AP3B1: variants seen among roughly 807,000 people sequenced by gnomAD.
The protein encoded by AP3B1 is AP-3 complex subunit beta-1.
Under a neutral mutation model 132.5 loss-of-function variants are expected in AP3B1, and 61 were observed. The ratio of observed to expected loss-of-function variants is 0.46; its 90% CI spans 0.37 to 0.57. The LOEUF (loss-of-function observed/expected upper bound fraction) is 0.57. AP3B1 is among the 20% of genes least tolerant of loss of function. AP3B1 has a pLI of 0.00. For synonymous variants in AP3B1, 388 were observed against 438.3 expected (o/e 0.89, Z 1.43); for missense variants, 1,120 against 1,289.4 (o/e 0.87, Z 2.01).
chr5:78,035,698 G>T (rs1747783103), intron 23 of AP3B1, among the ~76,000 whole-genome samples: 1 of 152,010 alleles, frequency 6.6e-6, no homozygotes, highest in Non-Finnish European at 1.5e-5. Context: ...AATGCTATTT[G>T]CTCAGTGGTA....
intron 2 of AP3B1, among the ~76,000 whole-genome samples, chr5:78,244,116 A>C (rs533848492): frequency 1.5e-4 from 23 of 152,312 alleles, no homozygotes; most frequent in Non-Finnish European, 2.5e-4. Flanking sequence ...AGGGACATGA[A>C]TTAAGAAGAA....
chr5:78,126,099 A>G (rs76160579), intron 17 of AP3B1, among the ~76,000 whole-genome samples: 1 of 151,482 alleles, frequency 6.6e-6, no homozygotes, highest in South Asian at 2.1e-4. Flanking sequence ...AAAAAAAAAA[A>G]CGAACCATAA....
chr5:78,276,259 G>T (rs1748771152), intron 1 of AP3B1, among the ~76,000 whole-genome samples: 1 of 151,850 alleles, frequency 6.6e-6, no homozygotes, highest in African/African-American at 2.4e-5. Context: ...GTAGAGATAG[G>T]GTCTCCCTAT....
At chr5:78,098,911 GACAAGAATA>G (rs772200974) in intron 21 of AP3B1, among the ~76,000 whole-genome samples, 15 of 147,050 alleles carry the variant, frequency 1.0e-4, no homozygotes, top group Non-Finnish European at 1.5e-4. Context: ...AGACAAGAAT[GACAAGAATA>G]ACAAGAATAA....
At chr5:78,098,502 T>C (rs1433158587) in intron 21 of AP3B1, among the ~76,000 whole-genome samples, 1 of 152,206 alleles carries the variant, frequency 6.6e-6, no homozygotes, top group East Asian at 1.9e-4. Flanking sequence ...CTTTTAAATG[T>C]ACTTTACTGT....
chr5:78,130,157 C>T (rs893261347), intron 15 of AP3B1, among the ~76,000 whole-genome samples: 9 of 151,892 alleles, frequency 5.9e-5, no homozygotes, highest in Non-Finnish European at 1.3e-4. Context: ...TTTTAAACTA[C>T]AGTTATTTTA....
intron 1 of AP3B1, among the ~76,000 whole-genome samples, chr5:78,283,742 T>A (rs1000882753): frequency 2.0e-5 from 3 of 152,214 alleles, no homozygotes; most frequent in Non-Finnish European, 4.4e-5. Flanking sequence ...ACTTACTCTA[T>A]CCATCTGTGT....
chr5:78,190,425 G>C (rs770377952), intron 7 of AP3B1, among the ~76,000 whole-genome samples: 16 of 152,138 alleles, frequency 1.1e-4, no homozygotes, highest in Non-Finnish European at 1.8e-4. Flanking sequence ...ATGAAATGAA[G>C]GAGATGAGGC....
chr5:78,082,992 T>A (rs1180255947), intron 22 of AP3B1, among the ~76,000 whole-genome samples: 1 of 152,078 alleles, frequency 6.6e-6, no homozygotes, highest in East Asian at 1.9e-4. Flanking sequence ...ATTTTTTATA[T>A]TTTTAGTAGA....
intron 1 of AP3B1, among the ~76,000 whole-genome samples, chr5:78,285,595 T>C (rs1580595095): frequency 6.6e-6 from 1 of 152,146 alleles, no homozygotes; most frequent in South Asian, 2.1e-4. Flanking sequence ...ACTGCCTATT[T>C]AGTATCTCCA....
chr5:78,057,511 C>G (rs1186111134), intron 22 of AP3B1, among the ~76,000 whole-genome samples: 6 of 152,112 alleles, frequency 3.9e-5, no homozygotes, highest in Admixed American at 3.9e-4. Context: ...AGTGTCCCTT[C>G]ATTTTAAGAA....
intron 22 of AP3B1, among the ~76,000 whole-genome samples, chr5:78,075,407 T>A (rs1580314797): frequency 6.6e-6 from 1 of 152,284 alleles, no homozygotes; most frequent in Middle Eastern, 3.4e-3. Context: ...ACCAACAGAG[T>A]GACTTCCATA....
intron 22 of AP3B1, among the ~76,000 whole-genome samples, chr5:78,046,395 C>A (rs759166407): frequency 1.3e-5 from 2 of 152,188 alleles, no homozygotes; most frequent in African/African-American, 2.4e-5. Context: ...GGAACAGTTT[C>A]ATCCCAGAAC....
chr5:78,192,485 T>C (rs1744882957), intron 7 of AP3B1, among the ~76,000 whole-genome samples: 1 of 151,784 alleles, frequency 6.6e-6, no homozygotes, highest in South Asian at 2.1e-4. Flanking sequence ...CTACTAAAAA[T>C]ACAAAAATTA....
intron 2 of AP3B1, among the ~76,000 whole-genome samples, chr5:78,244,937 G>A (rs190621996): frequency 6.6e-6 from 1 of 152,202 alleles, no homozygotes; most frequent in East Asian, 1.9e-4. Context: ...GAAGGTTATA[G>A]TGAGCCAAGA....
chr5:78,224,002 T>G (rs998991692), intron 6 of AP3B1, among the ~76,000 whole-genome samples: 1 of 152,180 alleles, frequency 6.6e-6, no homozygotes, highest in African/African-American at 2.4e-5. Flanking sequence ...GATCTGCTTC[T>G]TGTAGATCTT....
At chr5:78,080,105 C>T (rs1053029360) in intron 22 of AP3B1, among the ~76,000 whole-genome samples, 2 of 152,132 alleles carry the variant, frequency 1.3e-5, no homozygotes, top group Admixed American at 1.3e-4. Context: ...GCCTCCTAGG[C>T]TCAAGTGATC....
intron 9 of AP3B1, among the ~76,000 whole-genome samples, chr5:78,176,903 T>C (rs1465211181): frequency 6.6e-6 from 1 of 152,184 alleles, no homozygotes; most frequent in Admixed American, 6.5e-5. Context: ...AGCACAATTC[T>C]GGCATAAACT....
In AP3B1 at chr5:78,235,142, C is replaced by T. The variant is rs906725113; in HGVS notation, c.279+5720G>A. 4.6e-5 allele frequency among the ~76,000 whole-genome samples: 7 copies of T among 152,116 alleles called. No homozygotes were observed. In the South Asian group the frequency reaches 8.3e-4, roughly 18 times the overall value. On this transcript the variant is annotated intron_variant, in intron 3 of 26. Coordinates refer to ENST00000255194, the MANE Select transcript of AP3B1 (RefSeq NM_003664.5). ...TCCCTGGTAATTAGGACTCTAGGTG[C>T]ACACCAACACAGCTGGTTTGGTTTT...
Sources: gnomAD v4.1 joint callset for allele counts (sites outside exome capture counted in the v4.1 genomes callset) on GRCh38, gnomAD v4.1.1 for gene constraint, MANE v1.5 for transcripts, NCBI Gene and HGNC (gene_info 2026-07-23, HGNC 2026-07-21) for gene names.